Variants in PRKAG2 observed in about 807,000 individuals in gnomAD.
PRKAG2 encodes protein kinase AMP-activated non-catalytic subunit gamma 2.
A neutral mutation model predicts 69.6 loss-of-function variants in PRKAG2; 26 were observed. The ratio of observed to expected loss-of-function variants is 0.37; its 90% confidence interval spans 0.27 to 0.52. The LOEUF (loss-of-function observed/expected upper bound fraction) is 0.52. PRKAG2 is among the 20% of genes least tolerant of loss of function. The pLI, the probability that PRKAG2 is intolerant of heterozygous loss-of-function variation, is 0.90. For missense variants in PRKAG2, 557 were observed against 740.0 expected, an observed-to-expected ratio of 0.75 and a Z score of 2.87; for synonymous variants, 293 against 285.0, an observed-to-expected ratio of 1.03 and a Z score of -0.28.
intron 3 of PRKAG2, among the ~76,000 whole-genome samples, chr7:151,698,072 C>T (rs1046174682): frequency 6.6e-6 from 1 of 152,214 alleles, no homozygotes; most frequent in Non-Finnish European, 1.5e-5. Flanking sequence ...CTGAGTTCGC[C>T]TGCAGCTGGG....
intron 3 of PRKAG2, among the ~76,000 whole-genome samples, chr7:151,709,810 T>C (rs554896267): frequency 6.6e-6 from 1 of 152,240 alleles, no homozygotes; most frequent in East Asian, 1.9e-4. Context: ...TGTGTAACAT[T>C]GACAGTGATG....
chr7:151,650,553 A>G (rs1023695603), intron 4 of PRKAG2, among the ~76,000 whole-genome samples: 6 of 152,180 alleles, frequency 3.9e-5, no homozygotes, highest in Non-Finnish European at 5.9e-5. Context: ...AGCAGTTTGA[A>G]AACTGGCCAG....
At chr7:151,709,115 G>A (rs1001400016) in intron 3 of PRKAG2, among the ~76,000 whole-genome samples, 1 of 152,088 alleles carries the variant, frequency 6.6e-6, no homozygotes, top group Non-Finnish European at 1.5e-5. Context: ...GACATTTTAT[G>A]ATGGTATGTG....
intron 3 of PRKAG2, among the ~76,000 whole-genome samples, chr7:151,776,246 C>G (rs755341252): frequency 6.6e-6 from 1 of 152,204 alleles, no homozygotes; most frequent in East Asian, 1.9e-4. Context: ...AAGCCATGCC[C>G]CCACCCCAAC....
Position 151,828,166 on chromosome 7 carries a change from G to A in PRKAG2, c.115-41625C>T, listed in dbSNP as rs559019872. ...ACCCCAGGCTGGCCCTGGAATGAGTGCAACTCTTTGTCCAGGGGTCTCCAC... is the reference window on the plus strand; with the variant it reads ...ACCCCAGGCTGGCCCTGGAATGAGTACAACTCTTTGTCCAGGGGTCTCCAC... On this transcript the variant is annotated intron_variant, in intron 1 of 15. Transcript: ENST00000287878. This position sits in a 1 kb window ranked among gnomAD's most constrained non-coding sequence, Gnocchi z 4.6. Among the ~76,000 whole-genome samples, 1 of 152,356 alleles carries A rather than the reference G, an allele frequency of 6.6e-6. No homozygotes were observed. Among genetic ancestry groups the A allele is most frequent in the Non-Finnish European group, 1.5e-5 (1 of 68,038 alleles).
intron 5 of PRKAG2, among the ~76,000 whole-genome samples, chr7:151,611,914 G>GCA (rs1261173056): frequency 6.6e-6 from 1 of 152,144 alleles, no homozygotes; most frequent in African/African-American, 2.4e-5. Context: ...ACGTGGTGGT[G>GCA]CACACCTGTG....
chr7:151,635,846 T>C (rs980527995), intron 4 of PRKAG2, among the ~76,000 whole-genome samples: 1 of 151,906 alleles, frequency 6.6e-6, no homozygotes, highest in African/African-American at 2.4e-5. Context: ...GATTTAATTC[T>C]GTGGAGGAAA....
Position 151,595,381 on chromosome 7 carries a change from G to T in PRKAG2, c.828C>A (p.Thr276=). ...RSHKCYDIVP[T]SSKLVVFDTT... ...TATCAAAGACAACAAGCTTTGAACT[G>T]GTTGGAACGATGTCATAACACTTGT... The change falls in exon 6 of 16, where the codon ACC becomes ACA. Residue 276 remains threonine, a synonymous_variant. Transcript: ENST00000287878. The T allele has an allele frequency of 6.2e-7, 1 of 1,613,782 alleles. No individual in the cohort carries two copies. The highest frequency in any genetic ancestry group is 1.3e-5 in the African/African-American group (1 of 75,046).
At chr7:151,741,090 G>A (rs769049253) in intron 3 of PRKAG2, among the ~76,000 whole-genome samples, 1 of 152,034 alleles carries the variant, frequency 6.6e-6, no homozygotes, top group Admixed American at 6.5e-5. Context: ...GCTCACACCT[G>A]TAATCCCAGC....
rs140154808 is a variant in PRKAG2, at chr7:151,777,087, C to T, written c.466+4065G>A. On this transcript the variant is annotated intron_variant, in intron 3 of 15. Transcript: ENST00000287878. The surrounding 1 kb of genome is among the most constrained non-coding windows in gnomAD (Gnocchi z 4.3). Reference sequence around the variant, plus strand: ...ACTCTCTGACTCCACCTGCCTGTCTCGGCCCCTGGCTTTAAGGAAAGGGTG... The same window carrying T: ...ACTCTCTGACTCCACCTGCCTGTCTTGGCCCCTGGCTTTAAGGAAAGGGTG... Among the ~76,000 whole-genome samples, 15 of 152,334 alleles carry T rather than the reference C, an allele frequency of 9.8e-5. No homozygotes were observed. The highest frequency in any genetic ancestry group is 2.4e-4 in the African/African-American group (10 of 41,584).
chr7:151,628,213 G>C (rs1454626967), intron 5 of PRKAG2, among the ~76,000 whole-genome samples: 2 of 152,208 alleles, frequency 1.3e-5, no homozygotes, highest in Non-Finnish European at 2.9e-5. Context: ...TGGTACCAGA[G>C]TAGAGCAGGT....
At chr7:151,561,426 G>C (rs1271840910) in intron 14 of PRKAG2, among the ~76,000 whole-genome samples, 2 of 152,118 alleles carry the variant, frequency 1.3e-5, no homozygotes, top group South Asian at 2.1e-4. Context: ...CTCTTACAAG[G>C]GTTTTATTTT....
intron 3 of PRKAG2, among the ~76,000 whole-genome samples, chr7:151,700,643 C>T (rs959905627): frequency 1.3e-5 from 2 of 152,188 alleles, no homozygotes; most frequent in Admixed American, 1.3e-4. Flanking sequence ...CTGGGGCTCA[C>T]ACCCTGAGAG....
chr7:151,599,525 A>C (rs1288760172), intron 5 of PRKAG2, among the ~76,000 whole-genome samples: 15 of 152,202 alleles, frequency 9.9e-5, no homozygotes. Context: ...AGCAGTCCCT[A>C]GGACTGGTTT....
At chr7:151,658,898 A>G (rs766412062) in intron 4 of PRKAG2, among the ~76,000 whole-genome samples, 124 of 152,340 alleles carry the variant, frequency 8.1e-4, no homozygotes, top group Non-Finnish European at 1.6e-3. Flanking sequence ...TACTGATGAC[A>G]ATGATCTGCT....
intron 4 of PRKAG2, among the ~76,000 whole-genome samples, chr7:151,674,414 A>G (rs1169825046): frequency 6.6e-6 from 1 of 152,196 alleles, no homozygotes; most frequent in Non-Finnish European, 1.5e-5. Flanking sequence ...ATGCGACACT[A>G]ATGTGACAAC....
chr7:151,675,054 T>A (rs1832684910), intron 4 of PRKAG2: 2 of 351,730 alleles, frequency 5.7e-6, no homozygotes, highest in South Asian at 4.3e-5. Flanking sequence ...CCCGAGTAGT[T>A]GGGATACAGG....
chr7:151,773,036 AGAGAGAGAGAGAGAGAGG>A (rs1382050024), intron 3 of PRKAG2, among the ~76,000 whole-genome samples: 1,234 of 32,914 alleles, frequency 0.037, 63 homozygotes, highest in South Asian at 0.11. Flanking sequence ...AGAGAGAGAG[AGAGAGAGAGAGAGAGAGG>A]GAGGGAGGGA....
At chr7:151,672,542 C>G (rs1166061059) in intron 4 of PRKAG2, among the ~76,000 whole-genome samples, 5 of 152,016 alleles carry the variant, frequency 3.3e-5, no homozygotes, top group Non-Finnish European at 5.9e-5. Flanking sequence ...CATCTTTTCC[C>G]CTCCCCCCAG....
Sources: allele counts gnomAD v4.1 joint callset (sites outside exome capture counted in the v4.1 genomes callset), GRCh38; gene constraint gnomAD v4.1.1; non-coding constraint Gnocchi (gnomAD v3.1); transcripts MANE v1.5; gene names NCBI Gene and HGNC (gene_info 2026-07-23, HGNC 2026-07-21).